The following GPAT3 variants were observed in gnomAD, a reference collection of about 807,000 sequenced individuals.
The protein encoded by GPAT3 is glycerol-3-phosphate acyltransferase 3.
Under a neutral mutation model 58.8 loss-of-function variants are expected in GPAT3, and 53 were observed. That is an observed-to-expected ratio of 0.90 (90% CI 0.72 to 1.13). The LOEUF (loss-of-function observed/expected upper bound fraction) is 1.13. Ranked by LOEUF, GPAT3 falls within the 50% of genes most tolerant of loss-of-function variation. GPAT3 has a pLI of 0.00. For missense variants in GPAT3, 511 were observed against 527.6 expected, an observed-to-expected ratio of 0.97 and a Z score of 0.31; for synonymous variants, 197 against 187.4, an observed-to-expected ratio of 1.05 and a Z score of -0.42.
intron 3 of GPAT3, among the ~76,000 whole-genome samples, chr4:83,583,681 A>G (rs1726254049): frequency 2.0e-5 from 3 of 148,180 alleles, no homozygotes; most frequent in Non-Finnish European, 3.0e-5. Context: ...AAAAAAAAAA[A>G]AAAAAAAAAA....
chr4:83,559,722 G>GT (rs564629249), intron 2 of GPAT3, among the ~76,000 whole-genome samples: 141 of 152,214 alleles, frequency 9.3e-4, no homozygotes, highest in African/African-American at 3.2e-3. Flanking sequence ...AAATGTTTTG[G>GT]TAATGGAATT....
In GPAT3 at chr4:83,578,967, T is replaced by G. The variant is rs535588175; in HGVS notation, c.209-2595T>G. Among the ~76,000 whole-genome samples the G allele has an allele frequency of 1.4e-3, 171 of 126,126 alleles. 4 individuals carry two copies. The highest frequency in any genetic ancestry group is 5.5e-3 in the African/African-American group (162 of 29,536). 82.7% of individuals were successfully genotyped at this position (126,126 alleles called of 152,430 possible). ...CTTTTCTTTTCTTTCTTTCTTTCTT[T>G]CTTTCTTTCTTTCTTTCTTTCCTTC... On this transcript the variant is annotated intron_variant, in intron 2 of 11. Transcript: ENST00000264409.
At chr4:83,563,654 G>A (rs1725268755) in intron 2 of GPAT3, among the ~76,000 whole-genome samples, 1 of 151,570 alleles carries the variant, frequency 6.6e-6, no homozygotes, top group South Asian at 2.1e-4. Flanking sequence ...GCTAATTTTT[G>A]TGTTTTTAGT....
chr4:83,542,164 A>G (rs912369242), intron 1 of GPAT3, among the ~76,000 whole-genome samples: 3 of 152,232 alleles, frequency 2.0e-5, no homozygotes, highest in Non-Finnish European at 4.4e-5. Context: ...GATAACTACT[A>G]TTTGTATAAA....
At chr4:83,600,986 A>G (rs1727035151) in intron 11 of GPAT3, among the ~76,000 whole-genome samples, 1 of 152,200 alleles carries the variant, frequency 6.6e-6, no homozygotes, top group African/African-American at 2.4e-5. Flanking sequence ...GGATTTGGCC[A>G]ACTGAGTTAG....
chr4:83,553,870 C>G (rs1399375701), intron 2 of GPAT3, among the ~76,000 whole-genome samples: 1 of 151,200 alleles, frequency 6.6e-6, no homozygotes, highest in African/African-American at 2.4e-5. Context: ...GAGTGAGACC[C>G]TGTCTCAAAA....
chr4:83,561,806 T>TA (rs749084360), intron 2 of GPAT3, among the ~76,000 whole-genome samples: 2,429 of 133,140 alleles, frequency 0.018, 37 homozygotes, highest in African/African-American at 0.052. Flanking sequence ...CCTTTTTTGG[T>TA]AAAAAAAAAA....
chr4:83,570,912 C>A (rs1396036432), intron 2 of GPAT3, among the ~76,000 whole-genome samples: 1 of 152,156 alleles, frequency 6.6e-6, no homozygotes, highest in African/African-American at 2.4e-5. Flanking sequence ...TTACCCCAAT[C>A]GAGCTAAAGA....
chr4:83,562,566 T>A (rs898399922), intron 2 of GPAT3, among the ~76,000 whole-genome samples: 6 of 151,894 alleles, frequency 4.0e-5, no homozygotes, highest in Admixed American at 6.6e-5. Flanking sequence ...TATAATAATG[T>A]GAGCCTGGCG....
chr4:83,598,704 G>A lies in GPAT3; in HGVS notation c.1186G>A (p.Gly396Ser). 6.5e-7 allele frequency: 1 copy of A among 1,546,930 alleles called. No individual in the cohort carries two copies. The highest frequency in any genetic ancestry group is 8.7e-7 in the Non-Finnish European group (1 of 1,143,786). ...TAAGTCTGCTATTGCTATACAAGGA[G>A]GCCTGACTGAACTTCCCTGGTAAGA... ...RVKSAIAIQGGLTELPWDGGL... is the reference protein window; with the variant it reads ...RVKSAIAIQGSLTELPWDGGL... The change falls in exon 11 of 12, where the codon GGC becomes AGC. Residue 396 changes from glycine (G) to serine (S), a missense_variant. Physicochemically the swap from Gly to Ser is moderately conservative, Grantham distance 56. Coordinates refer to ENST00000264409, the MANE Select transcript of GPAT3 (RefSeq NM_032717.5).
At chr4:83,547,419 A>ATT (rs531142587) in intron 2 of GPAT3, among the ~76,000 whole-genome samples, 58 of 151,274 alleles carry the variant, frequency 3.8e-4, no homozygotes, top group African/African-American at 1.4e-3. Flanking sequence ...CGCCCAGCTA[A>ATT]TTTTTTGTAT....
chr4:83,546,104 C>T (rs976561211), intron 2 of GPAT3, among the ~76,000 whole-genome samples: 1 of 152,136 alleles, frequency 6.6e-6, no homozygotes, highest in Non-Finnish European at 1.5e-5. Context: ...CCTGTCTCAG[C>T]CTCCTGAGTA....
At chr4:83,550,918 CAT>C (rs1245378632) in intron 2 of GPAT3, among the ~76,000 whole-genome samples, 1 of 152,168 alleles carries the variant, frequency 6.6e-6, no homozygotes, top group African/African-American at 2.4e-5. Context: ...TACATCTTAA[CAT>C]AGCTCTGTAG....
intron 11 of GPAT3, among the ~76,000 whole-genome samples, chr4:83,603,570 C>T (rs1727143156): frequency 6.6e-6 from 1 of 152,168 alleles, no homozygotes; most frequent in Non-Finnish European, 1.5e-5. Flanking sequence ...GCAGGCAGAT[C>T]ACCTGGGGTT....
At chr4:83,571,739 C>T (rs115115303) in intron 2 of GPAT3, among the ~76,000 whole-genome samples, 1,479 of 125,496 alleles carry the variant, frequency 0.012, 25 homozygotes, top group African/African-American at 0.036. Context: ...TATATATACA[C>T]GCATATATAT....
intron 2 of GPAT3, among the ~76,000 whole-genome samples, chr4:83,566,664 GTTGTATTAAGT>G (rs1725401630): frequency 6.6e-6 from 1 of 151,528 alleles, no homozygotes; most frequent in Non-Finnish European, 1.5e-5. Flanking sequence ...TTTTATTGGA[GTTGTATTAAGT>G]TTGTAAATTT....
rs922369898 is a variant in GPAT3 at position 83,605,382 on chromosome 4, G to A, written c.*615G>A. 8.5e-5 allele frequency: 13 copies of A among 152,350 alleles called. No individual in the cohort carries two copies. The highest frequency in any genetic ancestry group is 2.6e-4 in the African/African-American group (11 of 41,572). The allele number at this position is 152,350 out of a possible 1,614,324, so 9.4% of individuals were successfully genotyped here. A position where few individuals can be genotyped will look rare whatever the true frequency, so the allele number is the denominator to read the frequency against. On this transcript the variant is annotated 3_prime_UTR_variant, in exon 12 of 12. Coordinates refer to ENST00000264409, the MANE Select transcript of GPAT3 (RefSeq NM_032717.5). ...AAAGTGAGTCAAAGTTAATGTGTGT[G>A]CGCATTTATATGTAGGCAGCTCGTA...
Position 83,579,797 on chromosome 4 carries a change from C to G in GPAT3, c.209-1765C>G, listed in dbSNP as rs151199265. ...CAGGACTTGGCTTTTGACTCCAGGT[C>G]CTCTTTCCTTTCTCCTCTAGTGTAG... is the stretch of plus-strand genomic sequence containing the variant. On this transcript the variant is annotated intron_variant, in intron 2 of 11. Transcript: ENST00000264409. 7.0e-4 allele frequency among the ~76,000 whole-genome samples: 107 copies of G among 152,250 alleles called. 2 individuals are homozygous for G. The highest frequency in any genetic ancestry group is 2.5e-3 in the African/African-American group (104 of 41,558).
chr4:83,598,290 G>A (rs1446408160), intron 10 of GPAT3, 111 bp downstream of exon 10: 5 of 1,403,580 alleles, frequency 3.6e-6, no homozygotes, highest in African/African-American at 1.5e-5. Flanking sequence ...CTCAGCAAAT[G>A]GGTCATTTTT....
Sources: gnomAD v4.1 joint callset for allele counts (sites outside exome capture counted in the v4.1 genomes callset) on GRCh38, gnomAD v4.1.1 for gene constraint, MANE v1.5 for transcripts, NCBI Gene and HGNC (gene_info 2026-07-23, HGNC 2026-07-21) for gene names.